FBXO31: variants seen among roughly 807,000 people sequenced by gnomAD.
The protein encoded by FBXO31 is F-box protein 31.
FBXO31 carries 24 observed loss-of-function variants against 54.4 expected under a neutral mutation model. That is an observed-to-expected ratio of 0.44 (90% confidence interval 0.32 to 0.62). FBXO31 has a LOEUF of 0.62. Among genes scored for constraint, FBXO31 ranks in the 20% least tolerant of loss-of-function variants. The pLI is 0.05. For missense variants in FBXO31, 665 were observed against 787.1 expected, an observed-to-expected ratio of 0.84 and a Z score of 1.86; for synonymous variants, 388 against 335.6, an observed-to-expected ratio of 1.16 and a Z score of -1.71.
upstream of FBXO31, chr16:87,384,053 C>CT (rs1398866689): frequency 2.3e-5 from 4 of 176,368 alleles, no homozygotes; most frequent in Non-Finnish European, 3.6e-5. Context: ...TCACGACCTT[C>CT]AGATTATGAG....
In FBXO31 at chr16:87,368,991, G is replaced by T. The variant is rs187715564; in HGVS notation, c.341-8625C>A. 3.5e-4 allele frequency among the ~76,000 whole-genome samples: 53 copies of T among 152,004 alleles called. 1 individual carries two copies. Among genetic ancestry groups the T allele is most frequent in the Non-Finnish European group, 5.9e-5 (4 of 68,006 alleles). On this transcript the variant is annotated intron_variant, in intron 1 of 8. Transcript: ENST00000311635. Reference sequence around the variant, plus strand: ...CAATTTTTGTATTTTTAGTAGTGACGGGGTTTCGCCATGTCTCGAACTCCT... The same window carrying T: ...CAATTTTTGTATTTTTAGTAGTGACTGGGTTTCGCCATGTCTCGAACTCCT...
At chr16:87,373,387 G>A (rs1447081554) in intron 1 of FBXO31, among the ~76,000 whole-genome samples, 2 of 152,142 alleles carry the variant, frequency 1.3e-5, no homozygotes, top group African/African-American at 4.8e-5. Context: ...AGGAGGTGGA[G>A]CTTGCAGTGA....
upstream of FBXO31, chr16:87,383,937 T>G (rs1299363627): frequency 7.1e-6 from 2 of 282,610 alleles, no homozygotes; most frequent in Non-Finnish European, 1.2e-5. The surrounding 1 kb of genome is among the most constrained non-coding windows in gnomAD (Gnocchi z 4.9). Flanking sequence ...GACCCCGCAC[T>G]GCTGCCCTCC....
chr16:87,385,552 T>C (rs1330209482), upstream of FBXO31, among the ~76,000 whole-genome samples: 1 of 152,080 alleles, frequency 6.6e-6, no homozygotes, highest in Non-Finnish European at 1.5e-5. Context: ...AATACATAAA[T>C]TATAAATTGT....
rs927556922 is a variant in FBXO31 at position 87,335,280 on chromosome 16, C to A, written c.996+24G>T. On this transcript the variant is annotated intron_variant, in intron 7 of 8. Transcript: ENST00000311635. This position sits in a 1 kb window ranked among gnomAD's most constrained non-coding sequence, Gnocchi z 5.7. ...TGGGCCAGGTGCCCCCAGAGCCCCA[C>A]CAACCAGGTCAGCCGCCACTCACCG... is the stretch of plus-strand genomic sequence containing the variant. 2 of 1,611,626 alleles carry A rather than the reference C, an allele frequency of 1.2e-6. No individual in the cohort carries two copies. The highest frequency in any genetic ancestry group is 1.7e-6 in the Non-Finnish European group (2 of 1,179,906).
upstream of FBXO31, chr16:87,392,061 C>CG: frequency 4.8e-6 from 1 of 208,472 alleles, no homozygotes; most frequent in Non-Finnish European, 9.6e-6. Context: ...ACCCGGGGTG[C>CG]GGCCCAGCCC....
chr16:87,345,373 C>T lies in FBXO31; in HGVS notation c.490-1608G>A, dbSNP rs142857084. Among the ~76,000 whole-genome samples, 12 of 151,366 alleles carry T rather than the reference C, an allele frequency of 7.9e-5. No homozygotes were observed. In the East Asian group the frequency reaches 9.8e-4, roughly 12 times the overall value. On this transcript the variant is annotated intron_variant, in intron 3 of 8. Transcript: ENST00000311635. This position sits in a 1 kb window ranked among gnomAD's most constrained non-coding sequence, Gnocchi z 4.9. Reference sequence around the variant, plus strand: ...GAGGGAGGGGAAGAGGGTGGGAGGGCGGACCGGAAGCCATGCAGACTCCAT... The same window carrying T: ...GAGGGAGGGGAAGAGGGTGGGAGGGTGGACCGGAAGCCATGCAGACTCCAT...
In FBXO31 at chr16:87,343,704, T is replaced by G. The variant is rs1905265535; in HGVS notation, c.551A>C (p.Asp184Ala). The G allele has an allele frequency of 6.2e-7, 1 of 1,614,202 alleles. No homozygotes were observed. The highest frequency in any genetic ancestry group is 1.1e-5 in the South Asian group (1 of 91,080). Residue 184 changes from aspartate to alanine, a missense_variant, in exon 4 of 9, where the codon GAC (aspartate) becomes GCC (alanine). Physicochemically the swap from Asp to Ala is moderately radical, Grantham distance 126. Coordinates refer to ENST00000311635, the MANE Select transcript of FBXO31 (RefSeq NM_024735.5). ...YLPPHDPHVD[D>A]PMRFKPLFRI... ...GAACAGAGGCTTGAATCTCATAGGGTCATCGACGTGGGGGTCATGGGGAGG... is the reference window on the plus strand; with the variant it reads ...GAACAGAGGCTTGAATCTCATAGGGGCATCGACGTGGGGGTCATGGGGAGG...
chr16:87,343,850 G>C (rs895147319), intron 3 of FBXO31, 85 bp from the exon 4 acceptor site: 6 of 1,412,364 alleles, frequency 4.2e-6, no homozygotes, highest in Non-Finnish European at 5.9e-6. Context: ...CACTGCAATG[G>C]CACAGAGAAG....
At chr16:87,365,484 C>T (rs942745472) in intron 1 of FBXO31, among the ~76,000 whole-genome samples, 4 of 152,300 alleles carry the variant, frequency 2.6e-5, no homozygotes, top group African/African-American at 9.6e-5. Flanking sequence ...AGAGCCAGGC[C>T]GCTCTGGGCG....
intron 5 of FBXO31, among the ~76,000 whole-genome samples, chr16:87,339,797 T>C (rs1905136673): frequency 6.6e-6 from 1 of 152,118 alleles, no homozygotes; most frequent in Admixed American, 6.5e-5. Flanking sequence ...ATAAACAAGA[T>C]GAGCCGGGAA....
chr16:87,377,828 CAAA>C (rs1257957419), intron 1 of FBXO31, among the ~76,000 whole-genome samples: 3 of 127,386 alleles, frequency 2.4e-5, no homozygotes, highest in African/African-American at 2.9e-5. Context: ...GACCCAGTCT[CAAA>C]AAAAAAAAAG....
chr16:87,383,856 C>T, upstream of FBXO31: 1 of 779,108 alleles, frequency 1.3e-6, no homozygotes, highest in Non-Finnish European at 1.6e-6. The surrounding 1 kb of genome is among the most constrained non-coding windows in gnomAD (Gnocchi z 4.9). Flanking sequence ...CCCTGGAGAG[C>T]CTAGCCCCGC....
intron 1 of FBXO31, among the ~76,000 whole-genome samples, chr16:87,371,316 TGGCACCCACGACA>T (rs1373813940): frequency 2.0e-5 from 3 of 152,194 alleles, no homozygotes; most frequent in African/African-American, 7.2e-5. Context: ...GCCCCTCCTC[TGGCACCCACGACA>T]GGCACCCACT....
rs556064040 is a variant in FBXO31, at chr16:87,349,840, C to T, written c.413-2590G>A. Among the ~76,000 whole-genome samples the T allele has an allele frequency of 6.6e-5, 10 of 151,108 alleles. No homozygotes were observed. In the East Asian group the frequency reaches 1.2e-3, roughly 18 times the overall value. On this transcript the variant is annotated intron_variant, in intron 2 of 8. Coordinates refer to ENST00000311635, the MANE Select transcript of FBXO31 (RefSeq NM_024735.5). ...GGGAGGACCACTTGAGCCCGGGAGGCGGAGGCTGTAGTGAGCTATGATCGT... is the reference window on the plus strand; with the variant it reads ...GGGAGGACCACTTGAGCCCGGGAGGTGGAGGCTGTAGTGAGCTATGATCGT...
chr16:87,344,741 G>C (rs1186662219), intron 3 of FBXO31, among the ~76,000 whole-genome samples: 4 of 152,146 alleles, frequency 2.6e-5, no homozygotes, highest in African/African-American at 9.7e-5. Context: ...TGAGCTGCCG[G>C]GCTGGTCTCT....
Position 87,342,992 on chromosome 16 carries a change from C to G in FBXO31, c.658-41G>C, listed in dbSNP as rs746272481. 10 of 1,543,828 alleles carry G rather than the reference C, an allele frequency of 6.5e-6. No individual in the cohort carries two copies. The South Asian group carries it at 8.3e-5, about 13-fold the overall frequency. ...CACAAGGAAAGAGAAGAGTGAGGAA[C>G]AGAGTCCATCACAGCATCCCCCACC... On this transcript the variant is annotated intron_variant, in intron 4 of 8. Transcript: ENST00000311635.
chr16:87,366,900 G>A (rs1160574082), intron 1 of FBXO31, among the ~76,000 whole-genome samples: 18 of 152,156 alleles, frequency 1.2e-4, no homozygotes, highest in African/African-American at 4.8e-5. Flanking sequence ...ACAACAAGAC[G>A]GGCGCAAGGG....
chr16:87,341,655 CAAAAAAAAAA>C lies in FBXO31; in HGVS notation c.732+1212_732+1221del, dbSNP rs397854967. 9.8e-3 allele frequency among the ~76,000 whole-genome samples: 691 copies of C among 70,686 alleles called. 4 individuals carry two copies. The highest frequency in any genetic ancestry group is 0.035 in the African/African-American group (667 of 19,184). 46.4% of individuals were successfully genotyped at this position (70,686 alleles called of 152,430 possible). On this transcript the variant is annotated intron_variant, in intron 5 of 8. Coordinates refer to ENST00000311635, the MANE Select transcript of FBXO31 (RefSeq NM_024735.5). ...TGGGCAACAGAGCGAGACTCCGTCTCAAAAAAAAAAAAAAAAAAAAAAAAAATTGAACCAC... is the reference window on the plus strand; with the variant it reads ...TGGGCAACAGAGCGAGACTCCGTCTCAAAAAAAAAAAAAAAATTGAACCAC...
Sources: allele counts gnomAD v4.1 joint callset (sites outside exome capture counted in the v4.1 genomes callset), GRCh38; gene constraint gnomAD v4.1.1; non-coding constraint Gnocchi (gnomAD v3.1); transcripts MANE v1.5; gene names NCBI Gene and HGNC (gene_info 2026-07-23, HGNC 2026-07-21).